Variants in SLC39A10 observed in about 807,000 individuals in gnomAD.
SLC39A10 encodes the protein solute carrier family 39 member 10.
A neutral mutation model predicts 65.1 loss-of-function variants in SLC39A10; 13 were observed. The ratio of observed to expected loss-of-function variants is 0.20; its 90% CI spans 0.13 to 0.32. The LOEUF (loss-of-function observed/expected upper bound fraction) is 0.32. Among genes scored for constraint, SLC39A10 ranks in the 10% least tolerant of loss-of-function variants. The probability of loss-of-function intolerance (pLI) is 1.00; values close to 1 mark genes in which losing one functional copy is unlikely to be tolerated. For synonymous variants in SLC39A10, 321 were observed against 342.2 expected, an observed-to-expected ratio of 0.94 and a Z score of 0.68; for missense variants, 831 against 1,018.4, an observed-to-expected ratio of 0.82 and a Z score of 2.50.
chr2:195,656,897 G>GC (rs1428332979), upstream of SLC39A10: 4 of 152,246 alleles, frequency 2.6e-5, no homozygotes, highest in South Asian at 4.1e-4. Flanking sequence ...TTAAGAAGCC[G>GC]CCCCAACTCC....
chr2:195,639,183 T>C (rs13387335), intron 2 of SLC39A10, among the ~76,000 whole-genome samples: 42,952 of 151,938 alleles, frequency 0.28, 7,259 homozygotes, highest in East Asian at 0.66. Context: ...AACTTCTGGC[T>C]TCAAGCGATC....
At chr2:195,706,150 A>G (rs183594110) in intron 3 of SLC39A10, among the ~76,000 whole-genome samples, 35 of 152,240 alleles carry the variant, frequency 2.3e-4, no homozygotes, top group African/African-American at 7.9e-4. Flanking sequence ...ATTTGGGGCT[A>G]TGTTACATTT....
intron 2 of SLC39A10, among the ~76,000 whole-genome samples, chr2:195,628,328 A>T (rs2105694283): frequency 6.6e-6 from 1 of 152,334 alleles, no homozygotes; most frequent in African/African-American, 2.4e-5. Context: ...CTTTTCCCTT[A>T]GGAAAGTTTA....
intron 7 of SLC39A10, 127 bp from the exon 8 acceptor site, chr2:195,718,125 A>G: frequency 3.2e-6 from 2 of 633,158 alleles, no homozygotes; most frequent in Non-Finnish European, 5.5e-6. Flanking sequence ...AGTGTGTAAG[A>G]TAAGTGAGTC....
At chr2:195,670,428 A>G (rs957959365) in intron 1 of SLC39A10, 6 of 152,110 alleles carry the variant, frequency 3.9e-5, no homozygotes, top group East Asian at 1.9e-4. Flanking sequence ...GGCTATGCCA[A>G]TCTTCTCTGT....
At chr2:195,616,972 T>A (rs550442621) in intron 2 of SLC39A10, among the ~76,000 whole-genome samples, 1 of 152,336 alleles carries the variant, frequency 6.6e-6, no homozygotes, top group East Asian at 1.9e-4. Context: ...TGTTGTGTTG[T>A]TAGTTGCTGG....
intron 2 of SLC39A10, among the ~76,000 whole-genome samples, chr2:195,623,685 T>G (rs902218082): frequency 5.3e-5 from 8 of 152,190 alleles, no homozygotes; most frequent in African/African-American, 1.9e-4. Flanking sequence ...ACTTGCTTGT[T>G]TTTGAATTTT....
intron 4 of SLC39A10, among the ~76,000 whole-genome samples, chr2:195,707,014 T>G (rs1691424408): frequency 6.6e-6 from 1 of 152,182 alleles, no homozygotes; most frequent in South Asian, 2.1e-4. Flanking sequence ...AAAAACTCAT[T>G]GGATTAAAAT....
chr2:195,634,595 G>A (rs1020669397), intron 2 of SLC39A10, among the ~76,000 whole-genome samples: 1 of 152,274 alleles, frequency 6.6e-6, no homozygotes, highest in African/African-American at 2.4e-5. Flanking sequence ...GAATATTGAT[G>A]TATTGACAGA....
chr2:195,696,537 A>G (rs1266013293), intron 3 of SLC39A10, among the ~76,000 whole-genome samples: 1 of 152,118 alleles, frequency 6.6e-6, no homozygotes, highest in Non-Finnish European at 1.5e-5. Flanking sequence ...AAGCAATACA[A>G]CTATTTGCAT....
At chr2:195,646,805 T>G (rs909490921) in intron 2 of SLC39A10, among the ~76,000 whole-genome samples, 10 of 152,172 alleles carry the variant, frequency 6.6e-5, no homozygotes, top group African/African-American at 2.4e-4. Context: ...GAACCGTGCC[T>G]GTGAGGGATC....
rs769703215 is a variant in SLC39A10, at chr2:195,716,906, C to T, written c.1966C>T (p.His656Tyr). The change falls in exon 7 of 10, where the codon CAT becomes TAT. Residue 656 changes from histidine (H) to tyrosine (Y), a missense_variant. Physicochemically the swap from His to Tyr is moderately conservative, Grantham distance 83 (BLOSUM62 2). This residue lies in a region of SLC39A10 where 230 missense variants were observed against 242.9 expected (regional missense o/e 0.95). Transcript: ENST00000359634. ...TTCTCATCATTCCCATGGCCCCTGTCATTCTGGATCCGATCTGAAAGAAAC... is the reference window on the plus strand; with the variant it reads ...TTCTCATCATTCCCATGGCCCCTGTTATTCTGGATCCGATCTGAAAGAAAC... ...KHSHHSHGPC[H>Y]SGSDLKETGI... The T allele has an allele frequency of 2.5e-6, 4 of 1,614,052 alleles. No individual in the cohort carries two copies. The Admixed American group carries it at 6.7e-5, about 27-fold the overall frequency.
At chr2:195,644,344 T>C (rs997507189) in intron 2 of SLC39A10, among the ~76,000 whole-genome samples, 3 of 148,840 alleles carry the variant, frequency 2.0e-5, no homozygotes, top group African/African-American at 7.4e-5. Flanking sequence ...TAAATTTTTT[T>C]TTTTTTTTTT....
At position 195,735,234 on chromosome 2, in the gene SLC39A10, A is replaced by T. The variant is rs1033239265; in HGVS notation, c.*193A>T. ...CTGCACGTAGGGGTCTTTTAAAAAT[A>T]TAAAGCTTGTGATAAAGAGAGGAGA... On this transcript the variant is annotated 3_prime_UTR_variant, in exon 10 of 10. Transcript: ENST00000359634. 11 of 437,178 alleles carry T rather than the reference A, an allele frequency of 2.5e-5. No homozygotes were observed. The highest frequency in any genetic ancestry group is 8.6e-5 in the Admixed American group (2 of 23,388). The allele number at this position is 437,178 out of a possible 1,614,324, so 27.1% of individuals were successfully genotyped here.
chr2:195,705,718 T>C (rs994439521), intron 3 of SLC39A10, among the ~76,000 whole-genome samples: 2 of 152,196 alleles, frequency 1.3e-5, no homozygotes, highest in Non-Finnish European at 2.9e-5. Flanking sequence ...TTTCTGTAGA[T>C]AGATCTTAAA....
At chr2:195,715,086 A>G (rs1471635829) in intron 6 of SLC39A10, among the ~76,000 whole-genome samples, 2 of 152,230 alleles carry the variant, frequency 1.3e-5, no homozygotes, top group Non-Finnish European at 2.9e-5. Flanking sequence ...TAGTAAGCTT[A>G]AGTGATTATA....
At position 195,676,113 on chromosome 2, in the gene SLC39A10, G is replaced by A. The variant is rs116407526; in HGVS notation, c.-11-3919G>A. Reference sequence around the variant, plus strand: ...TGCTTTATATACTCTGGATACTGATGTTTTATATACATTGTTTATATATAC... The same window carrying A: ...TGCTTTATATACTCTGGATACTGATATTTTATATACATTGTTTATATATAC... On this transcript the variant is annotated intron_variant, in intron 1 of 9. Coordinates refer to ENST00000359634, the MANE Select transcript of SLC39A10 (RefSeq NM_020342.3). Among the ~76,000 whole-genome samples the A allele has an allele frequency of 3.4e-3, 514 of 152,034 alleles. 2 individuals are homozygous for A. The highest frequency in any genetic ancestry group is 0.017 in the South Asian group (80 of 4,812).
At chr2:195,669,413 A>G (rs1689761005) in intron 1 of SLC39A10, among the ~76,000 whole-genome samples, 1 of 152,210 alleles carries the variant, frequency 6.6e-6, no homozygotes, top group Admixed American at 6.5e-5. Flanking sequence ...ATAACAGCTT[A>G]ATCACGTTAG....
chr2:195,718,448 G>C (rs1244069593), intron 8 of SLC39A10, 116 bp downstream of exon 8: 5 of 642,154 alleles, frequency 7.8e-6, no homozygotes, highest in Non-Finnish European at 1.4e-5. Context: ...GGCAACTATA[G>C]TGTCACTAAT....
Sources: allele counts gnomAD v4.1 joint callset (sites outside exome capture counted in the v4.1 genomes callset), GRCh38; gene constraint gnomAD v4.1.1; regional missense constraint gnomAD v4.1.1; transcripts MANE v1.5; gene names NCBI Gene and HGNC (gene_info 2026-07-23, HGNC 2026-07-21).